The following ZRANB3 variants were observed in gnomAD, a reference collection of about 807,000 sequenced individuals.
ZRANB3 encodes zinc finger RANBP2-type containing 3.
ZRANB3 carries 125 observed loss-of-function variants against 133.8 expected under a neutral mutation model. The ratio of observed to expected loss-of-function variants is 0.93; its 90% CI spans 0.81 to 1.08. The LOEUF is 1.08. Ranked by LOEUF, ZRANB3 falls within the 50% of genes least tolerant of loss-of-function variation. The pLI, the probability that ZRANB3 is intolerant of heterozygous loss-of-function variation, is 0.00. For synonymous variants in ZRANB3, 387 were observed against 432.7 expected (o/e 0.89, Z 1.31); for missense variants, 1,229 against 1,275.5 (o/e 0.96, Z 0.56).
At chr2:135,322,336 G>T (rs1018823858) in intron 6 of ZRANB3, among the ~76,000 whole-genome samples, 3 of 152,028 alleles carry the variant, frequency 2.0e-5, no homozygotes, top group African/African-American at 7.3e-5. Flanking sequence ...ATAAATTTTA[G>T]ATTTAAAATG....
chr2:135,393,907 G>T, intron 2 of ZRANB3, among the ~76,000 whole-genome samples: 1 of 152,106 alleles, frequency 6.6e-6, no homozygotes, highest in East Asian at 1.9e-4. Flanking sequence ...TTCCTGGCTG[G>T]AGTGCAACGG....
At chr2:135,212,274 T>C (rs1170565704) in intron 17 of ZRANB3, among the ~76,000 whole-genome samples, 3 of 152,206 alleles carry the variant, frequency 2.0e-5, no homozygotes, top group Non-Finnish European at 4.4e-5. Context: ...CCTCCTTCTC[T>C]GGCCCCACCT....
intron 2 of ZRANB3, among the ~76,000 whole-genome samples, chr2:135,472,478 T>A (rs1171075744): frequency 7.2e-6 from 1 of 138,292 alleles, no homozygotes. Flanking sequence ...CCAGCCTGGG[T>A]GACAGCGAGA....
Position 135,407,553 on chromosome 2 carries a change from C to G in ZRANB3, c.162-16733G>C, listed in dbSNP as rs57143794. Among the ~76,000 whole-genome samples the G allele has an allele frequency of 1.8e-4, 26 of 143,096 alleles. No individual in the cohort carries two copies. The South Asian group carries it at 5.0e-3, about 28-fold the overall frequency. 93.9% of individuals were successfully genotyped at this position (143,096 alleles called of 152,430 possible). On this transcript the variant is annotated intron_variant, in intron 2 of 20. Coordinates refer to ENST00000264159, the MANE Select transcript of ZRANB3 (RefSeq NM_032143.4). ...CAAAAGAACAAAGCTGGAGGCATCA[C>G]ACTACCTGACTTCAAACTATACTAC...
chr2:135,299,659 C>T (rs2104806999), intron 8 of ZRANB3, among the ~76,000 whole-genome samples: 1 of 152,208 alleles, frequency 6.6e-6, no homozygotes, highest in South Asian at 2.1e-4. Context: ...AAAAAGAGAC[C>T]TTGATAATCT....
chr2:135,236,617 C>G (rs1695297470), intron 12 of ZRANB3, among the ~76,000 whole-genome samples: 2 of 152,078 alleles, frequency 1.3e-5, no homozygotes, highest in African/African-American at 4.8e-5. Flanking sequence ...CAGAACAGAG[C>G]CCTCAGAAAT....
At chr2:135,387,577 C>T (rs1164526367) in intron 3 of ZRANB3, among the ~76,000 whole-genome samples, 2 of 152,034 alleles carry the variant, frequency 1.3e-5, no homozygotes, top group Non-Finnish European at 2.9e-5. Flanking sequence ...TTCTTGTATT[C>T]ATGTATAAAG....
rs995911120 is a variant in ZRANB3 at position 135,202,978 on chromosome 2, C to T, written c.3010-15G>A. 1.7e-5 allele frequency: 27 copies of T among 1,608,812 alleles called. No homozygotes were observed. Among genetic ancestry groups the T allele is most frequent in the Non-Finnish European group, 2.3e-5 (27 of 1,177,278 alleles). On this transcript the variant is annotated splice_polypyrimidine_tract_variant and intron_variant, in intron 19 of 20. Transcript: ENST00000264159. ...ATTTCATTTAGCTGCAATAAGAATACAAGATCAGCAATTTTCAACATATAC... is the reference window on the plus strand; with the variant it reads ...ATTTCATTTAGCTGCAATAAGAATATAAGATCAGCAATTTTCAACATATAC...
chr2:135,203,550 T>G (rs1573660004), intron 19 of ZRANB3, among the ~76,000 whole-genome samples: 1 of 132,054 alleles, frequency 7.6e-6, no homozygotes, highest in Admixed American at 9.4e-5. Context: ...ACCCGGGAGG[T>G]GGAGCTTGCA....
At chr2:135,488,755 A>G (rs1423224480) in intron 2 of ZRANB3, among the ~76,000 whole-genome samples, 1 of 151,944 alleles carries the variant, frequency 6.6e-6, no homozygotes, top group Non-Finnish European at 1.5e-5. Flanking sequence ...CACAATTTGT[A>G]AAAACCACAA....
chr2:135,474,531 G>A (rs1281533884), intron 2 of ZRANB3, among the ~76,000 whole-genome samples: 1 of 151,958 alleles, frequency 6.6e-6, no homozygotes, highest in Non-Finnish European at 1.5e-5. Flanking sequence ...AGAAGCTGGC[G>A]CCTCCTCTCT....
At chr2:135,455,945 T>C (rs1690499753) in intron 2 of ZRANB3, among the ~76,000 whole-genome samples, 1 of 152,180 alleles carries the variant, frequency 6.6e-6, no homozygotes, top group African/African-American at 2.4e-5. Context: ...TAGTTGATTA[T>C]TGTTTATGGA....
intron 8 of ZRANB3, 38 bp downstream of exon 8, chr2:135,313,451 G>A (rs1683098953): frequency 7.6e-7 from 1 of 1,316,054 alleles, no homozygotes; most frequent in East Asian, 2.4e-5. Context: ...TGAATAATTT[G>A]TATGAAGACA....
intron 8 of ZRANB3, among the ~76,000 whole-genome samples, chr2:135,286,938 A>G (rs1444350168): frequency 6.6e-6 from 1 of 151,920 alleles, no homozygotes; most frequent in Non-Finnish European, 1.5e-5. Context: ...AGTCTCATCT[A>G]TTTATCTTTG....
intron 2 of ZRANB3, among the ~76,000 whole-genome samples, chr2:135,483,059 G>A (rs912718953): frequency 3.3e-5 from 5 of 152,068 alleles, no homozygotes; most frequent in African/African-American, 4.8e-5. Flanking sequence ...GTTCATCAAG[G>A]ATATTGGTCT....
chr2:135,451,865 C>T (rs1326626267), intron 2 of ZRANB3, among the ~76,000 whole-genome samples: 1 of 152,024 alleles, frequency 6.6e-6, no homozygotes, highest in African/African-American at 2.4e-5. Flanking sequence ...GAGGTGAAAA[C>T]TAGAATGTCT....
rs556896962 is a variant in ZRANB3, at chr2:135,240,306, T to G, written c.1540-9379A>C. Among the ~76,000 whole-genome samples, 10 of 152,314 alleles carry G rather than the reference T, an allele frequency of 6.6e-5. No individual in the cohort carries two copies. The East Asian group carries it at 1.7e-3, about 26-fold the overall frequency. ...CAGTCTGGGCAACATGGCAAGACCC[T>G]GTCTCTTAAAAACAAAATGGTAACA... On this transcript the variant is annotated intron_variant, in intron 12 of 20. Transcript: ENST00000264159.
chr2:135,327,331 A>G (rs1198780792), intron 6 of ZRANB3, among the ~76,000 whole-genome samples: 6 of 152,070 alleles, frequency 3.9e-5, no homozygotes, highest in African/African-American at 1.4e-4. Context: ...CTCCAGGAAA[A>G]CGAAAAAAGA....
chr2:135,392,173 G>A (rs942722974), intron 2 of ZRANB3, among the ~76,000 whole-genome samples: 4 of 151,948 alleles, frequency 2.6e-5, no homozygotes, highest in African/African-American at 9.7e-5. Context: ...AAGAGGCCAG[G>A]TACAGTGGCT....
Sources: allele counts gnomAD v4.1 joint callset (sites outside exome capture counted in the v4.1 genomes callset), GRCh38; gene constraint gnomAD v4.1.1; transcripts MANE v1.5; gene names NCBI Gene and HGNC (gene_info 2026-07-23, HGNC 2026-07-21).